ADGRV1: variants seen among roughly 807,000 people sequenced by gnomAD.
The protein encoded by ADGRV1 is G-protein coupled receptor 98.
In ADGRV1, 359 loss-of-function variants were observed where a neutral mutation model predicts 596.2. The observed-to-expected ratio is 0.60, with a 90% confidence interval of 0.55 to 0.66. The LOEUF (loss-of-function observed/expected upper bound fraction) is 0.66, where lower values mean the gene tolerates loss of function less well. Among genes scored for constraint, ADGRV1 ranks in the 30% least tolerant of loss-of-function variants. ADGRV1 has a pLI of 0.00. For missense variants in ADGRV1, 7,274 were observed against 7,575.6 expected (o/e 0.96, Z 1.48); for synonymous variants, 2,681 against 2,679.2 (o/e 1.00, Z -0.02).
intron 57 of ADGRV1, 88 bp from the exon 58 acceptor site, chr5:90,759,321 A>G: frequency 1.0e-6 from 1 of 996,190 alleles, no homozygotes; most frequent in Non-Finnish European, 1.5e-6. Flanking sequence ...GTCAGCAAAA[A>G]CTGTGATTAC....
In ADGRV1 at chr5:90,595,795, C is replaced by T. The variant is rs554472438; in HGVS notation, c.23-19040C>T. The stretch of plus-strand genomic sequence containing the variant: ...TGGCTGGCCGGGCGGGAGGCTGACC[C>T]CCCCACCTCCCTCCCGGACGGGGCA... On this transcript the variant is annotated intron_variant, in intron 1 of 89. Coordinates refer to ENST00000405460, the MANE Select transcript of ADGRV1 (RefSeq NM_032119.4). 2.1e-3 allele frequency among the ~76,000 whole-genome samples: 303 copies of T among 143,350 alleles called. 1 individual carries two copies. Among genetic ancestry groups the T allele is most frequent in the African/African-American group, 6.8e-3 (262 of 38,262 alleles). The allele number at this position is 143,350 out of a possible 152,430, so 94.0% of individuals were successfully genotyped here.
At chr5:90,769,750 T>G (rs1757497006) in intron 59 of ADGRV1, among the ~76,000 whole-genome samples, 1 of 152,190 alleles carries the variant, frequency 6.6e-6, no homozygotes, top group African/African-American at 2.4e-5. Context: ...ATTGTTATTT[T>G]TAAAATATAT....
At chr5:91,001,699 A>G (rs1967253) in intron 85 of ADGRV1, among the ~76,000 whole-genome samples, 17,102 of 152,052 alleles carry the variant, frequency 0.11, 1,181 homozygotes, top group East Asian at 0.23. Context: ...AATCTATCCA[A>G]CTTTTTGTAT....
chr5:90,703,285 GC>G (rs906046185), intron 34 of ADGRV1, among the ~76,000 whole-genome samples: 2 of 152,054 alleles, frequency 1.3e-5, no homozygotes, highest in Non-Finnish European at 2.9e-5. Context: ...AAGGATTTGT[GC>G]CCTTTTGAAA....
chr5:90,572,962 G>A (rs7724946), intron 1 of ADGRV1, among the ~76,000 whole-genome samples: 13,888 of 152,130 alleles, frequency 0.091, 1,949 homozygotes, highest in African/African-American at 0.3. Flanking sequence ...CCATTCTTCT[G>A]TATATTTTGT....
chr5:90,627,367 C>CACAT lies in ADGRV1; in HGVS notation c.832_835dup (p.Leu279HisfsTer20). On this transcript the variant is annotated frameshift_variant, in exon 7 of 90. Transcript: ENST00000405460. LOFTEE classifies it high-confidence loss of function. Reference sequence around the variant, plus strand: ...TATTTATTTGGTTCCTGAGGAAGACCACATACTCATAATTCCAGTAGTTCG... The same window carrying CACAT: ...TATTTATTTGGTTCCTGAGGAAGACCACATACATACTCATAATTCCAGTAGTTCG... The CACAT allele has an allele frequency of 6.2e-7, 1 of 1,613,818 alleles. No homozygotes were observed. The highest frequency in any genetic ancestry group is 1.1e-5 in the South Asian group (1 of 91,082).
At chr5:90,623,690 G>A (rs1764377098) in intron 5 of ADGRV1, among the ~76,000 whole-genome samples, 1 of 152,168 alleles carries the variant, frequency 6.6e-6, no homozygotes. Flanking sequence ...TGGGATTACA[G>A]TCATGACCCA....
At chr5:90,781,195 T>G in intron 64 of ADGRV1, 1 of 501,514 alleles carries the variant, frequency 2.0e-6, no homozygotes, top group Non-Finnish European at 3.6e-6. Flanking sequence ...AGTAACTTTA[T>G]ATTAGTTTTG....
rs1035502017 is a variant in ADGRV1 at position 90,778,047 on chromosome 5, T to C, written c.12666+4T>C. ...TGCAGTCATTGTAGTAATACAGGTA[T>C]CAATATTAGCTGGTTTCTTTTATGC... On this transcript the variant is annotated splice_donor_region_variant and intron_variant, in intron 62 of 89. Coordinates refer to ENST00000405460, the MANE Select transcript of ADGRV1 (RefSeq NM_032119.4). 1 of 1,557,584 alleles carries C rather than the reference T, an allele frequency of 6.4e-7. No homozygotes were observed. The highest frequency in any genetic ancestry group is 1.4e-5 in the African/African-American group (1 of 73,542).
chr5:90,704,075 T>C (rs1415230266), intron 35 of ADGRV1, among the ~76,000 whole-genome samples: 1 of 152,164 alleles, frequency 6.6e-6, no homozygotes, highest in Admixed American at 6.6e-5. Flanking sequence ...TGCTCCAGTT[T>C]TTTCTACTCA....
At chr5:90,622,356 A>G (rs1198452044) in intron 4 of ADGRV1, among the ~76,000 whole-genome samples, 1 of 152,214 alleles carries the variant, frequency 6.6e-6, no homozygotes, top group Non-Finnish European at 1.5e-5. Flanking sequence ...TGATGGTAGA[A>G]CCAGGACAAG....
intron 50 of ADGRV1, among the ~76,000 whole-genome samples, chr5:90,731,476 G>A (rs183642991): frequency 7.6e-4 from 116 of 152,270 alleles, no homozygotes; most frequent in Admixed American, 2.8e-3. Context: ...CTCTGTGAGG[G>A]GTAGAATTGG....
chr5:90,635,018 A>G (rs1409722942), intron 9 of ADGRV1, 96 bp from the exon 10 acceptor site: 15 of 702,264 alleles, frequency 2.1e-5, no homozygotes, highest in Non-Finnish European at 2.6e-5. Flanking sequence ...GGTGACCTCT[A>G]CCTACGCTTA....
chr5:90,769,730 A>G (rs886712077), intron 59 of ADGRV1, among the ~76,000 whole-genome samples: 7 of 152,030 alleles, frequency 4.6e-5, no homozygotes, highest in African/African-American at 1.7e-4. Flanking sequence ...TTGTTTCTTC[A>G]TAGTTGCTTA....
At chr5:90,717,410 C>G (rs1162448310) in intron 43 of ADGRV1, 2 of 142,608 alleles carry the variant, frequency 1.4e-5, no homozygotes, top group Non-Finnish European at 3.0e-5. Flanking sequence ...AAGCAATTTG[C>G]AAGATTATGT....
rs746237291 is a variant in ADGRV1, at chr5:90,558,871, G to A, written c.-25G>A. Reference sequence around the variant, plus strand: ...GCAGAGCGAGGGTGTGTGGAGGGCCGGCGGGGACCGCCGGGAGCGCGCGGA... The same window carrying A: ...GCAGAGCGAGGGTGTGTGGAGGGCCAGCGGGGACCGCCGGGAGCGCGCGGA... On this transcript the variant is annotated 5_prime_UTR_variant, in exon 1 of 90. Transcript: ENST00000405460. 3 of 1,560,738 alleles carry A rather than the reference G, an allele frequency of 1.9e-6. No individual in the cohort carries two copies. The South Asian group carries it at 3.5e-5, about 18-fold the overall frequency.
intron 87 of ADGRV1, among the ~76,000 whole-genome samples, chr5:91,103,695 T>C (rs753686614): frequency 6.6e-6 from 1 of 152,142 alleles, no homozygotes; most frequent in Non-Finnish European, 1.5e-5. Flanking sequence ...GCTGGCTTTT[T>C]TTGAAGGCAG....
intron 21 of ADGRV1, among the ~76,000 whole-genome samples, chr5:90,661,456 A>G (rs1561477830): frequency 6.6e-6 from 1 of 152,238 alleles, no homozygotes; most frequent in African/African-American, 2.4e-5. Context: ...TTGGGATATA[A>G]GTGATATTGG....
chr5:90,787,590 C>CTTTTTTTTT (rs35504697), intron 67 of ADGRV1, among the ~76,000 whole-genome samples: 8 of 118,892 alleles, frequency 6.7e-5, no homozygotes, highest in East Asian at 2.5e-4. Context: ...TTCTTTCTTT[C>CTTTTTTTTT]TTTTTTTTTT....
Sources: allele counts gnomAD v4.1 joint callset (sites outside exome capture counted in the v4.1 genomes callset), GRCh38; gene constraint gnomAD v4.1.1; transcripts MANE v1.5; gene names NCBI Gene and HGNC (gene_info 2026-07-23, HGNC 2026-07-21).